ATOH8: variants seen among roughly 807,000 people sequenced by gnomAD.
ATOH8 encodes atonal bHLH transcription factor 8.
Under a neutral mutation model 21.2 loss-of-function variants are expected in ATOH8, and 9 were observed. The observed-to-expected ratio is 0.42, with a 90% confidence interval of 0.26 to 0.74. The LOEUF (loss-of-function observed/expected upper bound fraction) is 0.74, where lower values mean the gene tolerates loss of function less well. Ranked by LOEUF, ATOH8 falls within the 30% of genes least tolerant of loss-of-function variation. The pLI, the probability that ATOH8 is intolerant of heterozygous loss-of-function variation, is 0.24. For missense variants in ATOH8, 524 were observed against 470.9 expected, an observed-to-expected ratio of 1.11 and a Z score of -1.04; for synonymous variants, 253 against 224.0, an observed-to-expected ratio of 1.13 and a Z score of -1.16.
At chr2:85,784,834 G>A (rs1204308002) in intron 2 of ATOH8, among the ~76,000 whole-genome samples, 1 of 152,232 alleles carries the variant, frequency 6.6e-6, no homozygotes, top group Non-Finnish European at 1.5e-5. Flanking sequence ...TGCAGAGAAA[G>A]TCCTGGCACC....
In ATOH8 at chr2:85,754,271, C is replaced by G; in HGVS notation, c.82C>G (p.Arg28Gly). 6.2e-7 allele frequency: 1 copy of G among 1,609,996 alleles called. No homozygotes were observed. The highest frequency in any genetic ancestry group is 1.1e-5 in the South Asian group (1 of 90,968). Residue 28 changes from arginine to glycine, a missense_variant, in exon 1 of 3, where the codon CGG becomes GGG. Physicochemically the swap from Arg to Gly is moderately radical, Grantham distance 125. Coordinates refer to ENST00000306279, the MANE Select transcript of ATOH8 (RefSeq NM_032827.7). ...GCTGAACGGCCTTAAGAAGCTCAAG[C>G]GGAAAGGCAAGGAGCCGGCGCGGCG... ...KELNGLKKLK[R>G]KGKEPARRAN...
In ATOH8 at chr2:85,754,730, C is replaced by G. The variant is rs761891696; in HGVS notation, c.541C>G (p.Pro181Ala). The G allele has an allele frequency of 1.2e-6, 2 of 1,612,428 alleles. No homozygotes were observed. The highest frequency in any genetic ancestry group is 3.3e-5 in the Admixed American group (2 of 60,020). ...PPAPPESTVR[P>A]APPTRPGESS... ...AGCGCCCCCGGAGTCCACTGTGCGC[C>G]CTGCGCCCCCGACGCGCCCCGGGGA... The change falls in exon 1 of 3, where the codon CCT (proline) becomes GCT (alanine). Residue 181 changes from proline to alanine, a missense_variant. By Grantham distance (27) the Pro-to-Ala change is conservative (BLOSUM62 -1). Coordinates refer to ENST00000306279, the MANE Select transcript of ATOH8 (RefSeq NM_032827.7).
At position 85,787,681 on chromosome 2, in the gene ATOH8, C is replaced by T. The variant is rs1264333694; in HGVS notation, c.*791C>T. On this transcript the variant is annotated 3_prime_UTR_variant, in exon 3 of 3. Transcript: ENST00000306279. ...CAGCTACCTATGGGTCTTTGCTTCC[C>T]CAGCCAGCCTCTCCTCACTGTGACC... 2.6e-5 allele frequency: 4 copies of T among 153,020 alleles called. No homozygotes were observed. Among genetic ancestry groups the T allele is most frequent in the East Asian group, 1.9e-4 (1 of 5,194 alleles). The allele number at this position is 153,020 out of a possible 1,614,324, so 9.5% of individuals were successfully genotyped here.
intron 1 of ATOH8, 87 bp downstream of exon 1, chr2:85,755,044 T>A (rs1010232996): frequency 6.9e-7 from 1 of 1,451,300 alleles, no homozygotes; most frequent in African/African-American, 1.4e-5. Context: ...GATAGAGGTG[T>A]GTTTAAGGGG....
chr2:85,775,241 G>C (rs1680290960), intron 2 of ATOH8: 6 of 985,308 alleles, frequency 6.1e-6, no homozygotes, highest in Non-Finnish European at 7.2e-6. Flanking sequence ...TTTGTGTCCT[G>C]TCTTCTGGCA....
Position 85,789,698 on chromosome 2 carries a change from G to A in ATOH8, c.*2808G>A, listed in dbSNP as rs1009972785. 6.6e-6 allele frequency among the ~76,000 whole-genome samples: 1 copy of A among 152,148 alleles called. No homozygotes were observed. The highest frequency in any genetic ancestry group is 1.5e-5 in the Non-Finnish European group (1 of 68,014). On this transcript the variant is annotated 3_prime_UTR_variant, in exon 3 of 3. Transcript: ENST00000306279. ...GGTCTAGGGTGTTGCCTGGTCATTG[G>A]GATTTTTACAAGCTCCTCAAGTGAT... is the stretch of plus-strand genomic sequence containing the variant.
chr2:85,767,103 A>G (rs1037097407), intron 2 of ATOH8, among the ~76,000 whole-genome samples: 1 of 149,498 alleles, frequency 6.7e-6, no homozygotes, highest in African/African-American at 2.5e-5. Flanking sequence ...CTGGCTTTCG[A>G]GTTGCAATTG....
intron 1 of ATOH8, among the ~76,000 whole-genome samples, chr2:85,757,228 A>G (rs1226510293): frequency 6.6e-6 from 1 of 152,228 alleles, no homozygotes; most frequent in African/African-American, 2.4e-5. Context: ...TACAGCCAGG[A>G]CGTTTCTGGT....
rs1448657667 is a variant in ATOH8 at position 85,786,458 on chromosome 2, G to A, written c.961-427G>A. On this transcript the variant is annotated intron_variant, in intron 2 of 2. Transcript: ENST00000306279. Reference sequence around the variant, plus strand: ...ACTAGAGTGGGCCTTGTGACTCCTAGGGCAGCGCAAGGAAGCTGCAGATGG... The same window carrying A: ...ACTAGAGTGGGCCTTGTGACTCCTAAGGCAGCGCAAGGAAGCTGCAGATGG... Among the ~76,000 whole-genome samples, 5 of 152,194 alleles carry A rather than the reference G, an allele frequency of 3.3e-5. No homozygotes were observed. In the South Asian group the frequency reaches 1.0e-3, roughly 32 times the overall value.
chr2:85,778,301 C>CGT (rs35948498), intron 2 of ATOH8, among the ~76,000 whole-genome samples: 2,434 of 141,490 alleles, frequency 0.017, 63 homozygotes, highest in African/African-American at 0.062. Flanking sequence ...CACGTGCATA[C>CGT]GTGTGTGTGT....
At chr2:85,780,960 T>G in intron 2 of ATOH8, 3 of 987,720 alleles carry the variant, frequency 3.0e-6, no homozygotes, top group Non-Finnish European at 3.6e-6. Flanking sequence ...CATACTTGCT[T>G]CCAGGTCCCT....
In ATOH8 at chr2:85,789,522, T is replaced by G. The variant is rs1212752687; in HGVS notation, c.*2632T>G. Among the ~76,000 whole-genome samples, 4 of 152,170 alleles carry G rather than the reference T, an allele frequency of 2.6e-5. No homozygotes were observed. The highest frequency in any genetic ancestry group is 1.3e-4 in the Admixed American group (2 of 15,268). On this transcript the variant is annotated 3_prime_UTR_variant, in exon 3 of 3. Coordinates refer to ENST00000306279, the MANE Select transcript of ATOH8 (RefSeq NM_032827.7). ...TGCGTCTTAAATGGTGAGTAAAAGC[T>G]TTCTGAGCAGGGGAGTAGGAAAAGG...
At chr2:85,776,397 T>A (rs1245085795) in intron 2 of ATOH8, among the ~76,000 whole-genome samples, 1 of 152,118 alleles carries the variant, frequency 6.6e-6, no homozygotes, top group Non-Finnish European at 1.5e-5. Context: ...TAAAAGCAGG[T>A]GAGGAGCGTT....
intron 1 of ATOH8, among the ~76,000 whole-genome samples, chr2:85,759,066 A>G (rs1324428564): frequency 1.3e-5 from 2 of 152,150 alleles, no homozygotes; most frequent in African/African-American, 4.8e-5. Flanking sequence ...CTCTCTACGG[A>G]GGACATGCCA....
intron 2 of ATOH8, among the ~76,000 whole-genome samples, chr2:85,779,973 G>C (rs529439068): frequency 3.3e-5 from 5 of 152,208 alleles, no homozygotes; most frequent in Non-Finnish European, 5.9e-5. Flanking sequence ...ACAACCATTC[G>C]TGGCGTAAGG....
rs1038242175 is a variant in ATOH8 at position 85,787,249 on chromosome 2, C to T, written c.*359C>T. 19 of 298,122 alleles carry T rather than the reference C, an allele frequency of 6.4e-5. No individual in the cohort carries two copies. Among genetic ancestry groups the T allele is most frequent in the Middle Eastern group, 3.7e-4 (1 of 2,702 alleles). The allele number at this position is 298,122 out of a possible 1,614,324, so 18.5% of individuals were successfully genotyped here. ...GAAACCCCACAGCGAAAAGCCACAC[C>T]GTTGCTCTGTGACTTTTGCTCCTCC... On this transcript the variant is annotated 3_prime_UTR_variant, in exon 3 of 3. Coordinates refer to ENST00000306279, the MANE Select transcript of ATOH8 (RefSeq NM_032827.7).
Position 85,769,368 on chromosome 2 carries a change from G to C in ATOH8, c.960+5186G>C, listed in dbSNP as rs1680115493. On this transcript the variant is annotated intron_variant, in intron 2 of 2. Transcript: ENST00000306279. The stretch of plus-strand genomic sequence containing the variant: ...AGTTGAGGGCTGTACCAGAGGCTTA[G>C]CCAGCAAGCTAGACCCCCCCGGGTG... Among the ~76,000 whole-genome samples the C allele has an allele frequency of 2.6e-5, 4 of 152,228 alleles. No homozygotes were observed. In the South Asian group the frequency reaches 8.3e-4, roughly 31 times the overall value.
rs1437847049 is a variant in ATOH8 at position 85,754,602 on chromosome 2, G to C, written c.413G>C (p.Gly138Ala). 1 of 1,481,704 alleles carries C rather than the reference G, an allele frequency of 6.7e-7. No homozygotes were observed. The highest frequency in any genetic ancestry group is 2.4e-5 in the Admixed American group (1 of 41,192). The allele number at this position is 1,481,704 out of a possible 1,614,324, so 91.8% of individuals were successfully genotyped here. Residue 138 changes from glycine to alanine, a missense_variant, in exon 1 of 3, where the codon GGG becomes GCG. Physicochemically the swap from Gly to Ala is moderately conservative, Grantham distance 60 (BLOSUM62 0). Coordinates refer to ENST00000306279, the MANE Select transcript of ATOH8 (RefSeq NM_032827.7). The stretch of plus-strand genomic sequence containing the variant: ...CCTGCGCCCCAGAGCCAGGCACCTG[G>C]GGGCCCAGAGGCACAGCCTTTCCGG... ...PPPAPQSQAP[G>A]GPEAQPFREP...
chr2:85,772,606 A>G, intron 2 of ATOH8: 1 of 423,610 alleles, frequency 2.4e-6, no homozygotes, highest in South Asian at 1.7e-5. Context: ...TGTTCCCAAA[A>G]AACCCTTTCA....
Sources: gnomAD v4.1 joint callset for allele counts (sites outside exome capture counted in the v4.1 genomes callset) on GRCh38, gnomAD v4.1.1 for gene constraint, MANE v1.5 for transcripts, NCBI Gene and HGNC (gene_info 2026-07-23, HGNC 2026-07-21) for gene names.